The following DCLK1 variants were observed in gnomAD, a reference collection of about 807,000 sequenced individuals.
DCLK1 encodes the protein doublecortin like kinase 1.
Under a neutral mutation model 86.2 loss-of-function variants are expected in DCLK1, and 16 were observed. That is an observed-to-expected ratio of 0.19 (90% confidence interval 0.13 to 0.28). The LOEUF (loss-of-function observed/expected upper bound fraction) is 0.28, where lower values mean the gene tolerates loss of function less well. Among genes scored for constraint, DCLK1 ranks in the 10% least tolerant of loss-of-function variants. The pLI is 1.00. For missense variants in DCLK1, 590 were observed against 940.2 expected, an observed-to-expected ratio of 0.63 and a Z score of 4.87; for synonymous variants, 369 against 370.5, an observed-to-expected ratio of 1.00 and a Z score of 0.05.
intron 5 of DCLK1, among the ~76,000 whole-genome samples, chr13:35,858,435 T>C (rs1247841599): frequency 6.6e-6 from 1 of 152,170 alleles, no homozygotes; most frequent in Non-Finnish European, 1.5e-5. Context: ...ACATGTTTAG[T>C]CAGGTAACTT....
chr13:36,080,692 T>C (rs1884392885), intron 3 of DCLK1, among the ~76,000 whole-genome samples: 1 of 152,204 alleles, frequency 6.6e-6, no homozygotes, highest in Admixed American at 6.5e-5. Context: ...AGGACAATGA[T>C]CTACAATATA....
At chr13:36,080,097 C>A (rs1884367335) in intron 3 of DCLK1, among the ~76,000 whole-genome samples, 1 of 141,864 alleles carries the variant, frequency 7.0e-6, no homozygotes, top group South Asian at 2.6e-4. Flanking sequence ...GTTTTGCCAA[C>A]AAAGGAGTTA....
At chr13:36,038,754 A>G (rs755081000) in intron 3 of DCLK1, among the ~76,000 whole-genome samples, 2 of 152,200 alleles carry the variant, frequency 1.3e-5, no homozygotes, top group Non-Finnish European at 2.9e-5. Flanking sequence ...ACCTCCTTTA[A>G]TACTACAACA....
At chr13:35,967,364 T>C (rs1431487675) in intron 3 of DCLK1, among the ~76,000 whole-genome samples, 1 of 152,190 alleles carries the variant, frequency 6.6e-6, no homozygotes, top group East Asian at 1.9e-4. Flanking sequence ...ATGATGACGA[T>C]GGCGGTTTTG....
chr13:35,873,681 C>T (rs139110099), intron 4 of DCLK1, among the ~76,000 whole-genome samples: 16 of 152,258 alleles, frequency 1.1e-4, no homozygotes, highest in African/African-American at 3.1e-4. Flanking sequence ...CCACCATGCC[C>T]GGCCTCAAAT....
intron 4 of DCLK1, among the ~76,000 whole-genome samples, chr13:35,917,388 T>C (rs1875480936): frequency 6.6e-6 from 1 of 152,182 alleles, no homozygotes; most frequent in African/African-American, 2.4e-5. Context: ...TTTTGTTTGC[T>C]ATTGTCGGGC....
chr13:36,036,934 T>C (rs1026443123), intron 3 of DCLK1, among the ~76,000 whole-genome samples: 2 of 152,174 alleles, frequency 1.3e-5, no homozygotes, highest in Non-Finnish European at 2.9e-5. Flanking sequence ...TGCACTCCCA[T>C]GTCTATTGCA....
At chr13:36,124,929 T>G (rs1172887797) in intron 2 of DCLK1, among the ~76,000 whole-genome samples, 1 of 152,204 alleles carries the variant, frequency 6.6e-6, no homozygotes, top group African/African-American at 2.4e-5. Context: ...CTCATTTTAA[T>G]TGGCGATGAT....
At chr13:35,849,529 T>A in intron 6 of DCLK1, 3 of 980,326 alleles carry the variant, frequency 3.1e-6, no homozygotes, top group Non-Finnish European at 3.6e-6. Context: ...TTAAATACAA[T>A]AGACCATACA....
intron 15 of DCLK1, among the ~76,000 whole-genome samples, chr13:35,803,931 T>C (rs532810978): frequency 7.9e-5 from 12 of 152,280 alleles, no homozygotes; most frequent in African/African-American, 2.6e-4. Flanking sequence ...ATTCTGGCAG[T>C]AGGAACTATT....
intron 4 of DCLK1, among the ~76,000 whole-genome samples, chr13:35,906,311 T>C (rs946217610): frequency 2.7e-5 from 4 of 147,572 alleles, no homozygotes; most frequent in African/African-American, 1.0e-4. Flanking sequence ...GCCAAGTATT[T>C]TCTTTTTTTT....
At chr13:36,095,190 T>G (rs1032903831) in intron 3 of DCLK1, among the ~76,000 whole-genome samples, 16 of 151,738 alleles carry the variant, frequency 1.1e-4, no homozygotes, top group Non-Finnish European at 1.5e-4. Flanking sequence ...TTTTTTGTTT[T>G]TTTTGTTTTG....
intron 4 of DCLK1, among the ~76,000 whole-genome samples, chr13:35,943,425 C>T (rs1877194036): frequency 6.6e-6 from 1 of 152,028 alleles, no homozygotes; most frequent in Non-Finnish European, 1.5e-5. Flanking sequence ...TTATAGCAGC[C>T]CTAGGAAATT....
intron 3 of DCLK1, among the ~76,000 whole-genome samples, chr13:36,048,107 A>C (rs1882989206): frequency 6.6e-6 from 1 of 152,234 alleles, no homozygotes; most frequent in Non-Finnish European, 1.5e-5. Flanking sequence ...TGCATATATT[A>C]AAACATCATG....
intron 4 of DCLK1, among the ~76,000 whole-genome samples, chr13:35,914,791 G>A (rs948799712): frequency 4.0e-5 from 6 of 151,782 alleles, no homozygotes; most frequent in African/African-American, 1.5e-4. Flanking sequence ...ACCATCTCAC[G>A]AAAAGACAGA....
Position 35,805,798 on chromosome 13 carries a change from G to C in DCLK1, c.1864-19C>G, listed in dbSNP as rs1017014282. ...TGAGCTCCTGTGAAGGGGAACGTTA[G>C]AGTCCATTTATCTGAATTTAAGGTG... On this transcript the variant is annotated intron_variant, in intron 14 of 16. Coordinates refer to ENST00000360631, the MANE Select transcript of DCLK1 (RefSeq NM_001330071.2). 6.2e-7 allele frequency: 1 copy of C among 1,608,342 alleles called. No individual in the cohort carries two copies. Among genetic ancestry groups the C allele is most frequent in the East Asian group, 2.2e-5 (1 of 44,750 alleles).
At chr13:35,808,930 A>AG (rs1273381907) in intron 13 of DCLK1, 88 bp downstream of exon 13, 18 of 1,121,306 alleles carry the variant, frequency 1.6e-5, no homozygotes, top group Non-Finnish European at 2.0e-5. Context: ...TTCCTGCTGC[A>AG]GGCTCCTTTG....
At chr13:36,051,046 C>T (rs147942945) in intron 3 of DCLK1, among the ~76,000 whole-genome samples, 33 of 152,294 alleles carry the variant, frequency 2.2e-4, no homozygotes, top group African/African-American at 7.2e-4. Context: ...CATTTCACTC[C>T]ACCCCAAACA....
At chr13:35,857,466 A>G (rs1871128024) in intron 5 of DCLK1, among the ~76,000 whole-genome samples, 1 of 152,100 alleles carries the variant, frequency 6.6e-6, no homozygotes, top group Non-Finnish European at 1.5e-5. Context: ...TTCTCTAGCA[A>G]TAATCAACAC....
Sources: gnomAD v4.1 joint callset for allele counts (sites outside exome capture counted in the v4.1 genomes callset) on GRCh38, gnomAD v4.1.1 for gene constraint, MANE v1.5 for transcripts, NCBI Gene and HGNC (gene_info 2026-07-23, HGNC 2026-07-21) for gene names.